The following HTR7 variants were observed in gnomAD, a reference collection of about 807,000 sequenced individuals.
HTR7 encodes the protein 5-HT-7.
A neutral mutation model predicts 34.0 loss-of-function variants in HTR7; 16 were observed. That is an observed-to-expected ratio of 0.47 (90% CI 0.32 to 0.71). The LOEUF (loss-of-function observed/expected upper bound fraction) is 0.71, where lower values mean the gene tolerates loss of function less well. Ranked by LOEUF, HTR7 falls within the 30% of genes least tolerant of loss-of-function variation. HTR7 has a pLI of 0.04. For missense variants in HTR7, 504 were observed against 625.5 expected (o/e 0.81, Z 2.07); for synonymous variants, 265 against 260.2 (o/e 1.02, Z -0.18).
intron 1 of HTR7, among the ~76,000 whole-genome samples, chr10:90,841,437 T>A (rs12244538): frequency 0.085 from 12,884 of 152,214 alleles, 587 homozygotes; most frequent in East Asian, 0.16. Flanking sequence ...AATCAAGGTG[T>A]CTACAGGCTG....
At chr10:90,831,670 C>T (rs1282766816) in intron 1 of HTR7, among the ~76,000 whole-genome samples, 1 of 152,152 alleles carries the variant, frequency 6.6e-6, no homozygotes, top group Admixed American at 6.5e-5. Context: ...GCCGATTGGT[C>T]TGTTTTACAG....
At chr10:90,758,626 A>G (rs1053481844) in intron 1 of HTR7, among the ~76,000 whole-genome samples, 11 of 152,182 alleles carry the variant, frequency 7.2e-5, no homozygotes, top group Non-Finnish European at 1.6e-4. Flanking sequence ...AATTTAGGAC[A>G]TTTTCCTTGA....
chr10:90,814,491 G>T (rs573961222), intron 1 of HTR7, among the ~76,000 whole-genome samples: 1 of 152,248 alleles, frequency 6.6e-6, no homozygotes, highest in Admixed American at 6.5e-5. Flanking sequence ...ATACATTAAA[G>T]TAATTAAGAA....
At chr10:90,784,729 G>T (rs181118769) in intron 1 of HTR7, among the ~76,000 whole-genome samples, 26 of 152,302 alleles carry the variant, frequency 1.7e-4, no homozygotes, top group Admixed American at 1.5e-3. Flanking sequence ...CCTATGTGGA[G>T]CCAACACACT....
chr10:90,810,316 A>C (rs1423436828), intron 1 of HTR7, among the ~76,000 whole-genome samples: 3 of 151,528 alleles, frequency 2.0e-5, no homozygotes, highest in African/African-American at 7.3e-5. Flanking sequence ...ACCTTAACCC[A>C]CAAGTATAGG....
At chr10:90,793,014 C>T (rs918171786) in intron 1 of HTR7, among the ~76,000 whole-genome samples, 15 of 152,020 alleles carry the variant, frequency 9.9e-5, no homozygotes, top group Admixed American at 1.3e-4. Flanking sequence ...GGATATGACA[C>T]CAAAGCACAG....
chr10:90,778,638 G>A (rs1845259761), intron 1 of HTR7, among the ~76,000 whole-genome samples: 1 of 152,192 alleles, frequency 6.6e-6, no homozygotes, highest in South Asian at 2.1e-4. Flanking sequence ...AAGTCCCACT[G>A]CTATGACTGC....
Position 90,833,024 on chromosome 10 carries a change from G to A in HTR7, c.539+24109C>T, listed in dbSNP as rs138025914. On this transcript the variant is annotated intron_variant, in intron 1 of 3. Transcript: ENST00000336152. ...TGTCAGTTTCCCAGGGAAGAGGATG[G>A]GGTGGAGGAAGGTGGAGTAGACTTG... Among the ~76,000 whole-genome samples, 10 of 152,328 alleles carry A rather than the reference G, an allele frequency of 6.6e-5. No individual in the cohort carries two copies. The East Asian group carries it at 1.9e-3, about 29-fold the overall frequency.
intron 1 of HTR7, among the ~76,000 whole-genome samples, chr10:90,793,664 G>A (rs1845493957): frequency 6.6e-6 from 1 of 151,970 alleles, no homozygotes; most frequent in African/African-American, 2.4e-5. Flanking sequence ...ATGAAGGGGA[G>A]TTTATTAAGG....
At chr10:90,840,779 A>C (rs1015429350) in intron 1 of HTR7, among the ~76,000 whole-genome samples, 1 of 152,170 alleles carries the variant, frequency 6.6e-6, no homozygotes, top group African/African-American at 2.4e-5. Flanking sequence ...AACTATCACA[A>C]ACCTATGAGG....
chr10:90,821,112 T>C (rs1433274887), intron 1 of HTR7, among the ~76,000 whole-genome samples: 1 of 135,104 alleles, frequency 7.4e-6, no homozygotes, highest in East Asian at 2.2e-4. Flanking sequence ...ATCTACACAC[T>C]CACACAAACA....
intron 1 of HTR7, among the ~76,000 whole-genome samples, chr10:90,798,848 AT>A (rs1420931078): frequency 1.5e-4 from 23 of 152,244 alleles, no homozygotes; most frequent in Admixed American, 5.2e-4. Flanking sequence ...GTTATAGTTT[AT>A]ACTTTGAAAC....
chr10:90,817,773 G>T (rs1845918860), intron 1 of HTR7, among the ~76,000 whole-genome samples: 1 of 152,096 alleles, frequency 6.6e-6, no homozygotes, highest in Non-Finnish European at 1.5e-5. Flanking sequence ...GTATATAAAT[G>T]TTCATAATAT....
chr10:90,794,564 G>A (rs982365316), intron 1 of HTR7, among the ~76,000 whole-genome samples: 10 of 152,104 alleles, frequency 6.6e-5, no homozygotes, highest in Non-Finnish European at 4.4e-5. Flanking sequence ...TGCAGTCATG[G>A]CTCACTACAG....
intron 1 of HTR7, among the ~76,000 whole-genome samples, chr10:90,805,534 G>C (rs936309296): frequency 2.6e-5 from 4 of 152,144 alleles, no homozygotes; most frequent in Admixed American, 2.6e-4. Context: ...TCTAAGTTCT[G>C]TGCCTTTGAG....
chr10:90,776,358 T>G (rs1845209648), intron 1 of HTR7, among the ~76,000 whole-genome samples: 3 of 152,244 alleles, frequency 2.0e-5, no homozygotes, highest in African/African-American at 7.2e-5. Flanking sequence ...ACTTTTCATT[T>G]TCAAATGTTT....
intron 1 of HTR7, among the ~76,000 whole-genome samples, chr10:90,761,939 CTA>C (rs1176746399): frequency 6.6e-6 from 1 of 152,156 alleles, no homozygotes; most frequent in Non-Finnish European, 1.5e-5. Context: ...GAAGGTTCAT[CTA>C]TGTTATTGCA....
At chr10:90,815,375 A>T (rs1204600598) in intron 1 of HTR7, among the ~76,000 whole-genome samples, 1 of 152,148 alleles carries the variant, frequency 6.6e-6, no homozygotes, top group African/African-American at 2.4e-5. Context: ...TACAGGCAAA[A>T]GTTGGAATGT....
At chr10:90,751,635 G>A (rs1844738853) in intron 1 of HTR7, among the ~76,000 whole-genome samples, 1 of 152,140 alleles carries the variant, frequency 6.6e-6, no homozygotes, top group Non-Finnish European at 1.5e-5. Flanking sequence ...TTACTGGGAA[G>A]GGGGGTGTTT....
Sources: allele counts gnomAD v4.1 joint callset (sites outside exome capture counted in the v4.1 genomes callset), GRCh38; gene constraint gnomAD v4.1.1; transcripts MANE v1.5; gene names NCBI Gene and HGNC (gene_info 2026-07-23, HGNC 2026-07-21).